The following CDC27 variants were observed in gnomAD, a reference collection of about 807,000 sequenced individuals.
The protein encoded by CDC27 is cell division cycle 27, also known as cell division cycle protein 27 homolog.
Under a neutral mutation model 109.7 loss-of-function variants are expected in CDC27, and 27 were observed. The ratio of observed to expected loss-of-function variants is 0.25; its 90% CI spans 0.18 to 0.34. The LOEUF is 0.34. Among genes scored for constraint, CDC27 ranks in the 10% least tolerant of loss-of-function variants. The pLI is 1.00. For synonymous variants in CDC27, 266 were observed against 333.9 expected (o/e 0.80, Z 2.22); for missense variants, 579 against 960.2 (o/e 0.60, Z 5.25).
At chr17:47,187,163 A>C (rs2064470961) in intron 1 of CDC27, among the ~76,000 whole-genome samples, 1 of 152,240 alleles carries the variant, frequency 6.6e-6, no homozygotes, top group Non-Finnish European at 1.5e-5. Flanking sequence ...TATGAAAAAG[A>C]AGCAAATTTG....
chr17:47,166,171 T>C (rs1367693379), intron 4 of CDC27, among the ~76,000 whole-genome samples: 1 of 152,174 alleles, frequency 6.6e-6, no homozygotes, highest in African/African-American at 2.4e-5. Context: ...CAGTATTTCA[T>C]TTTGGAATCA....
At chr17:47,179,148 G>A (rs1198874911) in intron 2 of CDC27, among the ~76,000 whole-genome samples, 1 of 152,102 alleles carries the variant, frequency 6.6e-6, no homozygotes, top group Non-Finnish European at 1.5e-5. Context: ...AAGACAAATG[G>A]GCGACAAAGA....
Position 47,172,017 on chromosome 17 carries a change from A to C in CDC27, c.151T>G (p.Ser51Ala). ...LFLLATCYYR[S>A]GKAYKAYRLL... The stretch of plus-strand genomic sequence containing the variant: ...CTATATGCTTTATATGCCTTTCCTG[A>C]GCGGTAATAACAGGTTGCCAGTAAA... Residue 51 changes from serine (S) to alanine (A), a missense_variant, in exon 3 of 19, where the codon TCA (serine) becomes GCA (alanine). Around this residue, in one of 9 missense-constraint regions of CDC27, gnomAD observed 44 missense variants for 102.2 expected, o/e 0.43. Coordinates refer to ENST00000066544, the MANE Select transcript of CDC27 (RefSeq NM_001256.6). 6.3e-7 allele frequency: 1 copy of C among 1,597,130 alleles called. No individual in the cohort carries two copies. The highest frequency in any genetic ancestry group is 8.5e-7 in the Non-Finnish European group (1 of 1,172,780).
chr17:47,162,338 C>T (rs2063522299), intron 4 of CDC27, among the ~76,000 whole-genome samples: 1 of 152,190 alleles, frequency 6.6e-6, no homozygotes. Context: ...TTCATCCCTT[C>T]AATTCATCTA....
At chr17:47,158,126 A>G in intron 5 of CDC27, 80 bp downstream of exon 5, 1 of 532,428 alleles carries the variant, frequency 1.9e-6, no homozygotes, top group African/African-American at 2.0e-5. Flanking sequence ...GATGATCTGT[A>G]TTGCTCTCCA....
In CDC27 at chr17:47,118,236, TG is replaced by T. The variant is rs2061915740; in HGVS notation, c.*2698del. 2 of 152,254 alleles carry T rather than the reference TG, an allele frequency of 1.3e-5. No individual in the cohort carries two copies. The highest frequency in any genetic ancestry group is 1.3e-4 in the Admixed American group (2 of 15,272). 9.4% of individuals were successfully genotyped at this position (152,254 alleles called of 1,614,324 possible). On this transcript the variant is annotated 3_prime_UTR_variant, in exon 19 of 19. Transcript: ENST00000066544. Reference sequence around the variant, plus strand: ...AGAGCATTTTTAATAGACTAAATACTGGTTATCACTGAGTTTTTGTTTAAGG... The same window carrying T: ...AGAGCATTTTTAATAGACTAAATACTGTTATCACTGAGTTTTTGTTTAAGG...
At chr17:47,157,195 A>G (rs760299284) in intron 6 of CDC27, 35 bp downstream of exon 6, 4 of 1,581,200 alleles carry the variant, frequency 2.5e-6, no homozygotes, top group African/African-American at 1.4e-5. Flanking sequence ...TGTAGTTTTC[A>G]TAATATTTTG....
chr17:47,129,555 CTT>C (rs1215324972), intron 15 of CDC27, 34 bp from the exon 16 acceptor site: 2 of 1,505,354 alleles, frequency 1.3e-6, no homozygotes, highest in East Asian at 2.3e-5. Context: ...AATACTCCCT[CTT>C]GATATTTATG....
chr17:47,165,961 A>G (rs2063631464), intron 4 of CDC27, among the ~76,000 whole-genome samples: 1 of 152,190 alleles, frequency 6.6e-6, no homozygotes, highest in African/African-American at 2.4e-5. Context: ...CTGACCATCC[A>G]AGATCCTGTT....
chr17:47,125,156 G>T (rs2062096245), intron 16 of CDC27, among the ~76,000 whole-genome samples: 1 of 151,252 alleles, frequency 6.6e-6, no homozygotes, highest in Admixed American at 6.6e-5. Context: ...CTGACCTCAG[G>T]TGATCCACCT....
At chr17:47,178,011 T>A (rs1421703629) in intron 2 of CDC27, among the ~76,000 whole-genome samples, 1 of 152,156 alleles carries the variant, frequency 6.6e-6, no homozygotes, top group Non-Finnish European at 1.5e-5. Flanking sequence ...GAGAAAAACC[T>A]TGGTCAAGGG....
At chr17:47,184,629 G>C (rs1475333164) in intron 1 of CDC27, among the ~76,000 whole-genome samples, 1 of 152,182 alleles carries the variant, frequency 6.6e-6, no homozygotes, top group Non-Finnish European at 1.5e-5. Context: ...GCTTTGCTCA[G>C]AACATCATTC....
At chr17:47,141,821 GA>G in intron 12 of CDC27, 31 bp downstream of exon 12, 2 of 1,364,840 alleles carry the variant, frequency 1.5e-6, no homozygotes, top group Non-Finnish European at 2.0e-6. Context: ...ATTATCTCTA[GA>G]AAGGCATATA....
At chr17:47,138,661 G>C in intron 13 of CDC27, 78 bp downstream of exon 13, 1 of 982,570 alleles carries the variant, frequency 1.0e-6, no homozygotes, top group Non-Finnish European at 1.6e-6. Flanking sequence ...AATAGTGTTT[G>C]AATTGCTTGG....
intron 14 of CDC27, among the ~76,000 whole-genome samples, chr17:47,136,439 CA>C (rs1006510860): frequency 6.6e-6 from 1 of 152,054 alleles, no homozygotes; most frequent in African/African-American, 2.4e-5. Flanking sequence ...CCGTATCTGA[CA>C]AAAAAACTAC....
chr17:47,135,074 A>G (rs1390061524), intron 14 of CDC27, among the ~76,000 whole-genome samples: 1 of 152,172 alleles, frequency 6.6e-6, no homozygotes, highest in Non-Finnish European at 1.5e-5. Context: ...AGAGAAGTTA[A>G]ATAACTTGCT....
intron 1 of CDC27, among the ~76,000 whole-genome samples, chr17:47,182,459 C>T (rs532026413): frequency 1.3e-5 from 2 of 152,262 alleles, no homozygotes; most frequent in East Asian, 1.9e-4. Flanking sequence ...CTCTCCCTGC[C>T]CCAAAGAGGA....
intron 1 of CDC27, among the ~76,000 whole-genome samples, chr17:47,186,129 T>G (rs1260562073): frequency 6.6e-6 from 1 of 152,240 alleles, no homozygotes; most frequent in Non-Finnish European, 1.5e-5. Context: ...TCTTCCTCCC[T>G]TTCCAACAGC....
At chr17:47,173,016 A>T (rs1642572142) in intron 2 of CDC27, among the ~76,000 whole-genome samples, 1 of 152,204 alleles carries the variant, frequency 6.6e-6, no homozygotes, top group South Asian at 2.1e-4. Flanking sequence ...CATACCCACT[A>T]AATTAGTAAT....
Sources: allele counts gnomAD v4.1 joint callset (sites outside exome capture counted in the v4.1 genomes callset), GRCh38; gene constraint gnomAD v4.1.1; regional missense constraint gnomAD v4.1.1; transcripts MANE v1.5; gene names NCBI Gene and HGNC (gene_info 2026-07-23, HGNC 2026-07-21).